Variants in CELF2 observed in about 807,000 individuals in gnomAD.
CELF2 encodes the protein CUGBP Elav-like family member 2.
CELF2 carries 8 observed loss-of-function variants against 62.6 expected under a neutral mutation model. The ratio of observed to expected loss-of-function variants is 0.13; its 90% CI spans 0.07 to 0.23. The LOEUF (loss-of-function observed/expected upper bound fraction) is 0.23, where lower values mean the gene tolerates loss of function less well. Ranked by LOEUF, CELF2 falls within the 10% of genes least tolerant of loss-of-function variation. The probability of loss-of-function intolerance (pLI) is 1.00; values close to 1 mark genes in which losing one functional copy is unlikely to be tolerated. For missense variants in CELF2, 333 were observed against 671.0 expected (o/e 0.50, Z 5.56); for synonymous variants, 258 against 250.0 (o/e 1.03, Z -0.30).
At position 11,022,097 on chromosome 10, in the gene CELF2, G is replaced by T. The variant is rs566866098; in HGVS notation, c.74+3934G>T. Among the ~76,000 whole-genome samples the T allele has an allele frequency of 2.1e-3, 320 of 152,258 alleles. 4 individuals are homozygous for T. The highest frequency in any genetic ancestry group is 7.1e-3 in the African/African-American group (294 of 41,548). ...AGAAAATGCAGTTATAAATAATACG[G>T]AGATAACTGGCATTTATCACCTGAT... On this transcript the variant is annotated intron_variant, in intron 1 of 12. Coordinates refer to ENST00000633077, the MANE Select transcript of CELF2 (RefSeq NM_001326342.2).
At chr10:10,484,775 A>G in the CELF2 span, among the ~76,000 whole-genome samples, 1 of 152,102 alleles carries the variant, frequency 6.6e-6, no homozygotes, top group Non-Finnish European at 1.5e-5. Context: ...AAACATACCA[A>G]ATAAAATACT....
intron 1 of CELF2, among the ~76,000 whole-genome samples, chr10:11,044,245 A>G (rs1294216372): frequency 6.6e-6 from 1 of 152,002 alleles, no homozygotes; most frequent in Non-Finnish European, 1.5e-5. Flanking sequence ...GCTTTTCCGT[A>G]TTGTCTACTG....
intron 2 of CELF2, among the ~76,000 whole-genome samples, chr10:11,183,085 T>G (rs1477063039): frequency 6.6e-6 from 1 of 152,180 alleles, no homozygotes; most frequent in African/African-American, 2.4e-5. Context: ...AACAAACACA[T>G]CTCTCACCCC....
chr10:11,060,737 G>C (rs1266400805), intron 1 of CELF2, among the ~76,000 whole-genome samples: 1 of 152,108 alleles, frequency 6.6e-6, no homozygotes, highest in Non-Finnish European at 1.5e-5. Context: ...CATGTGCTCA[G>C]TTTGCATCTC....
intron 1 of CELF2, among the ~76,000 whole-genome samples, chr10:11,047,529 A>C (rs1050970475): frequency 6.6e-6 from 1 of 152,194 alleles, no homozygotes; most frequent in Non-Finnish European, 1.5e-5. Flanking sequence ...TGTTCTGCAG[A>C]ACAGATTTTG....
intron 9 of CELF2, among the ~76,000 whole-genome samples, chr10:11,301,587 G>A: frequency 1.4e-5 from 2 of 145,312 alleles, no homozygotes; most frequent in Non-Finnish European, 3.0e-5. Flanking sequence ...GCTTCTCCAG[G>A]ACGGGCTTGG....
chr10:10,798,943 G>A (rs755482081), intron 1 of CELF2: 7 of 396,864 alleles, frequency 1.8e-5, no homozygotes, highest in Middle Eastern at 6.2e-4. Context: ...TCAGGGATGC[G>A]CAGATCTGCT....
intron 4 of CELF2, among the ~76,000 whole-genome samples, chr10:11,254,229 C>T (rs1205634061): frequency 2.0e-5 from 3 of 152,206 alleles, no homozygotes; most frequent in Admixed American, 1.3e-4. Context: ...AGAAGAAAGC[C>T]GGGTGTGTTC....
Position 11,211,813 on chromosome 10 carries a change from AGTGTGTGT to A in CELF2, c.272-5577_272-5570del, listed in dbSNP as rs869213973. On this transcript the variant is annotated intron_variant, in intron 2 of 12. Coordinates refer to ENST00000633077, the MANE Select transcript of CELF2 (RefSeq NM_001326342.2). The surrounding 1 kb of genome is among the most constrained non-coding windows in gnomAD (Gnocchi z 4.8). ...GTGTGAGAGAGAGAGAGAGAGAGAG[AGTGTGTGT>A]GTGTGTGTGTGTGTGTGTGTGTGTG... Among the ~76,000 whole-genome samples the A allele has an allele frequency of 0.16, 13,834 of 88,640 alleles. 722 individuals are homozygous for A. Among genetic ancestry groups the A allele is most frequent in the Middle Eastern group, 0.21 (34 of 160 alleles). 58.2% of individuals were successfully genotyped at this position (88,640 alleles called of 152,430 possible).
rs1012303662 is a variant in CELF2, at chr10:11,285,004, C to T, written c.842-3414C>T. 4.4e-5 allele frequency among the ~76,000 whole-genome samples: 6 copies of T among 137,008 alleles called. No homozygotes were observed. The highest frequency in any genetic ancestry group is 6.2e-5 in the Non-Finnish European group (4 of 64,120). The allele number at this position is 137,008 out of a possible 152,430, so 89.9% of individuals were successfully genotyped here. A position where few individuals can be genotyped will look rare whatever the true frequency, so the allele number is the denominator to read the frequency against. ...GGATGAGAGATGGATGTGTGGATGA[C>T]GGATGGGTGGGAGGATAGTGGATCT... On this transcript the variant is annotated intron_variant, in intron 8 of 12. Transcript: ENST00000633077. The surrounding 1 kb of genome is among the most constrained non-coding windows in gnomAD (Gnocchi z 4.3).
At chr10:10,937,883 A>G (rs1349940594) in intron 2 of CELF2, among the ~76,000 whole-genome samples, 1 of 152,058 alleles carries the variant, frequency 6.6e-6, no homozygotes, top group Non-Finnish European at 1.5e-5. Flanking sequence ...TGAATTAACC[A>G]TAGTTTTGAA....
At chr10:10,791,088 T>C in the CELF2 span, among the ~76,000 whole-genome samples, 1 of 152,248 alleles carries the variant, frequency 6.6e-6, no homozygotes, top group Non-Finnish European at 1.5e-5. Flanking sequence ...CTAAATTTTA[T>C]GTATTCATTC....
rs938405964 is a variant in CELF2, at chr10:11,321,442, C to G, written c.1294+56C>G. 7.0e-7 allele frequency: 1 copy of G among 1,420,834 alleles called. No individual in the cohort carries two copies. Among genetic ancestry groups the G allele is most frequent in the Non-Finnish European group, 9.7e-7 (1 of 1,026,152 alleles). The allele number at this position is 1,420,834 out of a possible 1,614,324, so 88.0% of individuals were successfully genotyped here. On this transcript the variant is annotated intron_variant, in intron 11 of 12. Transcript: ENST00000633077. The surrounding 1 kb of genome is among the most constrained non-coding windows in gnomAD (Gnocchi z 6.2). ...CCAGCCCAACAGGCAGCACTGGCCT[C>G]TAGAGCACGGTTAGAAGGTATCAAA... is the stretch of plus-strand genomic sequence containing the variant.
the CELF2 span, among the ~76,000 whole-genome samples, chr10:10,490,950 C>A: frequency 6.6e-6 from 1 of 152,270 alleles, no homozygotes; most frequent in Admixed American, 6.5e-5. Context: ...CACATAAAAA[C>A]AGCATTAGAG....
chr10:10,980,178 G>A lies in CELF2; in HGVS notation c.89+60179G>A, dbSNP rs189227156. Among the ~76,000 whole-genome samples, 4 of 152,322 alleles carry A rather than the reference G, an allele frequency of 2.6e-5. No homozygotes were observed. The East Asian group carries it at 5.8e-4, about 22-fold the overall frequency. ...GTCAAAGAATAATAAACACACAGGAGCAGATCATTCCGGCAGCCAGCCTTG... is the reference window on the plus strand; with the variant it reads ...GTCAAAGAATAATAAACACACAGGAACAGATCATTCCGGCAGCCAGCCTTG... On this transcript the variant is annotated intron_variant, in intron 2 of 13. Transcript: ENST00000636488.
At chr10:11,033,300 C>T (rs892204396) in intron 1 of CELF2, among the ~76,000 whole-genome samples, 11 of 150,564 alleles carry the variant, frequency 7.3e-5, no homozygotes, top group Non-Finnish European at 2.9e-5. Flanking sequence ...TCTTGTTGCC[C>T]AGGCTGGAGT....
intron 1 of CELF2, among the ~76,000 whole-genome samples, chr10:11,154,181 T>C (rs1369435432): frequency 4.6e-5 from 7 of 152,240 alleles, no homozygotes; most frequent in Non-Finnish European, 1.0e-4. Flanking sequence ...ATTCTACTTT[T>C]ATTTGTTTAG....
chr10:10,604,512 G>A, the CELF2 span, among the ~76,000 whole-genome samples: 2 of 152,134 alleles, frequency 1.3e-5, no homozygotes. Flanking sequence ...TAAGCCAAGA[G>A]ACCAACATGA....
the CELF2 span, among the ~76,000 whole-genome samples, chr10:10,513,041 A>G: frequency 6.6e-6 from 1 of 152,188 alleles, no homozygotes; most frequent in African/African-American, 2.4e-5. Flanking sequence ...CTGGTGATGC[A>G]CAAGGCTGTT....
Sources: gnomAD v4.1 joint callset for allele counts (sites outside exome capture counted in the v4.1 genomes callset) on GRCh38, gnomAD v4.1.1 for gene constraint, Gnocchi (gnomAD v3.1) non-coding constraint, MANE v1.5 for transcripts, NCBI Gene and HGNC (gene_info 2026-07-23, HGNC 2026-07-21) for gene names.